The following MRAP2 variants were observed in gnomAD, a reference collection of about 807,000 sequenced individuals.
The protein encoded by MRAP2 is melanocortin 2 receptor accessory protein 2.
Under a neutral mutation model 17.4 loss-of-function variants are expected in MRAP2, and 20 were observed. The ratio of observed to expected loss-of-function variants is 1.15; its 90% CI spans 0.81 to 1.67. The LOEUF (loss-of-function observed/expected upper bound fraction) is 1.67. MRAP2 is among the 40% of genes most tolerant of loss of function. The pLI, the probability that MRAP2 is intolerant of heterozygous loss-of-function variation, is 0.00. For missense variants in MRAP2, 238 were observed against 240.0 expected (o/e 0.99, Z 0.05); for synonymous variants, 96 against 88.4 (o/e 1.09, Z -0.48).
At chr6:84,068,020 C>T (rs760404508) in intron 3 of MRAP2, among the ~76,000 whole-genome samples, 18 of 152,138 alleles carry the variant, frequency 1.2e-4, no homozygotes, top group Admixed American at 2.0e-4. Flanking sequence ...TTTACAGTTT[C>T]AGGTCTTAAA....
At chr6:84,067,172 A>C (rs73483241) in intron 3 of MRAP2, among the ~76,000 whole-genome samples, 1,587 of 152,304 alleles carry the variant, frequency 0.01, 27 homozygotes, top group African/African-American at 0.035. Context: ...CACTTAGAAT[A>C]ACAGTCTCCA....
At chr6:84,071,210 A>G (rs899148297) in intron 3 of MRAP2, among the ~76,000 whole-genome samples, 36 of 152,030 alleles carry the variant, frequency 2.4e-4, no homozygotes, top group African/African-American at 8.5e-4. Context: ...TTCTGTTTTG[A>G]TGTGTTTCCA....
chr6:84,128,710 TA>T, the MRAP2 span, among the ~76,000 whole-genome samples: 3 of 152,152 alleles, frequency 2.0e-5, no homozygotes, highest in African/African-American at 7.2e-5. Context: ...TTTTTTAAGT[TA>T]TACTTTGTTC....
the MRAP2 span, among the ~76,000 whole-genome samples, chr6:84,118,499 A>C: frequency 4.6e-5 from 7 of 152,270 alleles, no homozygotes; most frequent in South Asian, 1.4e-3. Context: ...GGAACAGATG[A>C]GTCCTTAAAG....
At chr6:84,082,814 T>C (rs530747249) in intron 3 of MRAP2, among the ~76,000 whole-genome samples, 1 of 152,072 alleles carries the variant, frequency 6.6e-6, no homozygotes, top group East Asian at 1.9e-4. Context: ...CCCCCACCCC[T>C]TTCTCCTTTT....
the MRAP2 span, among the ~76,000 whole-genome samples, chr6:84,111,905 T>C: frequency 6.6e-6 from 1 of 152,356 alleles, no homozygotes; most frequent in Non-Finnish European, 1.5e-5. Flanking sequence ...ATGGATTACA[T>C]TTATTGATTT....
rs80228733 is a variant in MRAP2 at position 84,080,327 on chromosome 6, C to T, written c.228-8764C>T. The stretch of plus-strand genomic sequence containing the variant: ...CTGGGATTACAGGTGTGAGCCACCA[C>T]GCCCTATTGCCAGGGTTTTTAACAT... On this transcript the variant is annotated intron_variant, in intron 3 of 3. Transcript: ENST00000257776. Among the ~76,000 whole-genome samples, 1,434 of 151,818 alleles carry T rather than the reference C, an allele frequency of 9.4e-3. 16 individuals are homozygous for T. The highest frequency in any genetic ancestry group is 0.021 in the Middle Eastern group (6 of 290).
At chr6:84,092,935 T>G (rs2099502021), downstream of MRAP2, among the ~76,000 whole-genome samples, 1 of 152,110 alleles carries the variant, frequency 6.6e-6, no homozygotes, top group Non-Finnish European at 1.5e-5. Context: ...AACAAATCCT[T>G]CAAACTGGGA....
At chr6:84,075,422 A>T (rs2099497337) in intron 3 of MRAP2, among the ~76,000 whole-genome samples, 1 of 152,070 alleles carries the variant, frequency 6.6e-6, no homozygotes, top group African/African-American at 2.4e-5. Context: ...GATGGGGATT[A>T]TTTTTTCCAT....
At chr6:84,049,852 A>C (rs2099489965) in intron 1 of MRAP2, among the ~76,000 whole-genome samples, 3 of 152,116 alleles carry the variant, frequency 2.0e-5, no homozygotes, top group Admixed American at 2.0e-4. Context: ...GTCAGTCACC[A>C]TTTTTTGAGG....
chr6:84,125,066 TCTATTAATA>T, the MRAP2 span: 1 of 1,607,150 alleles, frequency 6.2e-7, no homozygotes, highest in Non-Finnish European at 8.5e-7. Flanking sequence ...AATCTGAATT[TCTATTAATA>T]CTCTGGTGCA....
the MRAP2 span, among the ~76,000 whole-genome samples, chr6:84,114,604 A>G: frequency 2.0e-5 from 3 of 152,016 alleles, no homozygotes; most frequent in African/African-American, 7.2e-5. Flanking sequence ...TTCTCTGTCC[A>G]GTTTTGTTCC....
At chr6:84,086,151 T>C (rs1406455383) in intron 3 of MRAP2, among the ~76,000 whole-genome samples, 1 of 152,222 alleles carries the variant, frequency 6.6e-6, no homozygotes, top group African/African-American at 2.4e-5. Context: ...AATGGGTCAT[T>C]GCAATGAAAA....
chr6:84,039,606 C>G (rs1368695185), intron 1 of MRAP2, among the ~76,000 whole-genome samples: 1 of 152,212 alleles, frequency 6.6e-6, no homozygotes, highest in Non-Finnish European at 1.5e-5. Flanking sequence ...GCTCGTGTTT[C>G]TGTTATCAAG....
At chr6:84,113,661 T>C in the MRAP2 span, among the ~76,000 whole-genome samples, 1 of 152,220 alleles carries the variant, frequency 6.6e-6, no homozygotes, top group African/African-American at 2.4e-5. Flanking sequence ...CATTAGTTGA[T>C]GCAGTTTCTT....
chr6:84,129,749 T>C, the MRAP2 span, among the ~76,000 whole-genome samples: 11 of 151,952 alleles, frequency 7.2e-5, no homozygotes, highest in South Asian at 2.3e-3. Context: ...TTGCCCATAT[T>C]GATTTTGGAC....
intron 2 of MRAP2, 144 bp from the exon 3 acceptor site, chr6:84,062,749 A>G (rs927744408): frequency 4.8e-6 from 7 of 1,456,446 alleles, no homozygotes; most frequent in Non-Finnish European, 5.5e-6. Flanking sequence ...TTTACATCTT[A>G]TCAGTCTCCA....
At chr6:84,119,170 T>C in the MRAP2 span, among the ~76,000 whole-genome samples, 1 of 152,236 alleles carries the variant, frequency 6.6e-6, no homozygotes, top group Non-Finnish European at 1.5e-5. Flanking sequence ...TGAGGTCTTT[T>C]GTGGTTCCAT....
rs749193351 is a variant in MRAP2, at chr6:84,089,459, C to T, written c.596C>T (p.Thr199Ile). 1.2e-6 allele frequency: 2 copies of T among 1,613,508 alleles called. No individual in the cohort carries two copies. Among genetic ancestry groups the T allele is most frequent in the Non-Finnish European group, 1.7e-6 (2 of 1,179,812 alleles). Residue 199 changes from threonine (T) to isoleucine (I), a missense_variant, in exon 4 of 4, where the codon ACC becomes ATC. Coordinates refer to ENST00000257776, the MANE Select transcript of MRAP2 (RefSeq NM_138409.4). The part of the protein sequence containing the change: ...IVLETKPLSQ[T>I]SHKDLD Reference sequence around the variant, plus strand: ...CTGGAAACTAAGCCACTTTCCCAGACCTCACACAAAGACCTGGATTGAGAA... The same window carrying T: ...CTGGAAACTAAGCCACTTTCCCAGATCTCACACAAAGACCTGGATTGAGAA...
Sources: allele counts gnomAD v4.1 joint callset (sites outside exome capture counted in the v4.1 genomes callset), GRCh38; gene constraint gnomAD v4.1.1; transcripts MANE v1.5; gene names NCBI Gene and HGNC (gene_info 2026-07-23, HGNC 2026-07-21).